RERG: variants seen among roughly 807,000 people sequenced by gnomAD.
The protein encoded by RERG is ras-related and estrogen-regulated growth inhibitor.
In RERG, 25 loss-of-function variants were observed where a neutral mutation model predicts 23.2. The ratio of observed to expected loss-of-function variants is 1.08; its 90% CI spans 0.79 to 1.50. The LOEUF (loss-of-function observed/expected upper bound fraction) is 1.50. Among genes scored for constraint, RERG ranks in the 40% most tolerant of loss-of-function variants. The pLI is 0.00. For missense variants in RERG, 253 were observed against 250.1 expected, an observed-to-expected ratio of 1.01 and a Z score of -0.08; for synonymous variants, 81 against 89.1, an observed-to-expected ratio of 0.91 and a Z score of 0.51.
At chr12:15,212,295 A>C (rs1004262943) in intron 2 of RERG, among the ~76,000 whole-genome samples, 1 of 149,974 alleles carries the variant, frequency 6.7e-6, no homozygotes, top group Non-Finnish European at 1.5e-5. Flanking sequence ...TCCTGACCTC[A>C]TGATCCACCC....
chr12:15,150,379 C>T (rs1864419787), intron 2 of RERG, among the ~76,000 whole-genome samples: 1 of 152,134 alleles, frequency 6.6e-6, no homozygotes. Flanking sequence ...TATCTAGGCT[C>T]AACATTGTAA....
rs1400049993 is a variant in RERG, at chr12:15,177,838, TG to T, written c.61+39590del. Among the ~76,000 whole-genome samples the T allele has an allele frequency of 4.0e-3, 564 of 140,318 alleles. 9 individuals carry two copies. Among genetic ancestry groups the T allele is most frequent in the African/African-American group, 0.013 (514 of 38,310 alleles). 92.1% of individuals were successfully genotyped at this position (140,318 alleles called of 152,430 possible). On this transcript the variant is annotated intron_variant, in intron 2 of 4. Coordinates refer to ENST00000256953, the MANE Select transcript of RERG (RefSeq NM_032918.3). ...TGATATCTCTCTGGCTCCCTCTGTTTGTTTTTTTTTTTTTTTTTTTTAGCTG... is the reference window on the plus strand; with the variant it reads ...TGATATCTCTCTGGCTCCCTCTGTTTTTTTTTTTTTTTTTTTTTTTAGCTG...
intron 2 of RERG, among the ~76,000 whole-genome samples, chr12:15,198,865 C>T (rs996516925): frequency 2.6e-5 from 4 of 152,184 alleles, no homozygotes; most frequent in African/African-American, 7.2e-5. Context: ...GAAGGTTCTT[C>T]GCCTTTAGCG....
At chr12:15,140,008 G>A (rs1864209691) in intron 2 of RERG, among the ~76,000 whole-genome samples, 3 of 152,144 alleles carry the variant, frequency 2.0e-5, no homozygotes, top group Non-Finnish European at 4.4e-5. Flanking sequence ...TATTTCTGTA[G>A]AAAATTGTCT....
At chr12:15,183,950 C>A (rs1864958318) in intron 2 of RERG, among the ~76,000 whole-genome samples, 1 of 152,128 alleles carries the variant, frequency 6.6e-6, no homozygotes, top group African/African-American at 2.4e-5. Flanking sequence ...CTCTGTTTGC[C>A]TATCAAAGTT....
intron 2 of RERG, among the ~76,000 whole-genome samples, chr12:15,186,754 T>G (rs1864998436): frequency 6.6e-6 from 1 of 152,160 alleles, no homozygotes; most frequent in Non-Finnish European, 1.5e-5. Flanking sequence ...TACAGGACCA[T>G]GCAGAAAATA....
At chr12:15,213,053 T>G (rs1025175271) in intron 2 of RERG, among the ~76,000 whole-genome samples, 2 of 152,228 alleles carry the variant, frequency 1.3e-5, no homozygotes, top group Non-Finnish European at 2.9e-5. Context: ...AACTTAAGCC[T>G]TCATGGATGA....
chr12:15,219,353 A>G (rs1865485012), intron 1 of RERG, among the ~76,000 whole-genome samples: 1 of 152,232 alleles, frequency 6.6e-6, no homozygotes, highest in African/African-American at 2.4e-5. Context: ...CCTGTACCTA[A>G]TAAGGTTTTG....
At position 15,124,918 on chromosome 12, in the gene RERG, C is replaced by T. The variant is rs569970155; in HGVS notation, c.62-3799G>A. Among the ~76,000 whole-genome samples, 83 of 79,548 alleles carry T rather than the reference C, an allele frequency of 1.0e-3. 1 individual carries two copies. In the South Asian group the frequency reaches 0.017, roughly 17 times the overall value. 52.2% of individuals were successfully genotyped at this position (79,548 alleles called of 152,430 possible). ...ACTCATAACCTTCACATCATGAATG[C>T]CTTTTGAATTTTGTCTATAATCCTA... On this transcript the variant is annotated intron_variant, in intron 2 of 4. Coordinates refer to ENST00000256953, the MANE Select transcript of RERG (RefSeq NM_032918.3).
At chr12:15,123,855 A>C (rs1457138918) in intron 2 of RERG, among the ~76,000 whole-genome samples, 1 of 152,036 alleles carries the variant, frequency 6.6e-6, no homozygotes, top group Non-Finnish European at 1.5e-5. Flanking sequence ...TTTGATTAGT[A>C]GTTACTGTTG....
chr12:15,108,966 C>T lies in RERG; in HGVS notation c.*144G>A. ...TTGCATAAAACACGCTAAAACTTCCCAACCTATTAGAGGCCAGAAACAATG... is the reference window on the plus strand; with the variant it reads ...TTGCATAAAACACGCTAAAACTTCCTAACCTATTAGAGGCCAGAAACAATG... On this transcript the variant is annotated 3_prime_UTR_variant, in exon 5 of 5. Coordinates refer to ENST00000256953, the MANE Select transcript of RERG (RefSeq NM_032918.3). 1.2e-6 allele frequency: 1 copy of T among 831,708 alleles called. No homozygotes were observed. Among genetic ancestry groups the T allele is most frequent in the Non-Finnish European group, 1.9e-6 (1 of 538,676 alleles). 51.5% of individuals were successfully genotyped at this position (831,708 alleles called of 1,614,324 possible).
chr12:15,128,567 C>T (rs968020825), intron 2 of RERG, among the ~76,000 whole-genome samples: 1 of 152,090 alleles, frequency 6.6e-6, no homozygotes, highest in Non-Finnish European at 1.5e-5. Context: ...GAATAGTATC[C>T]AATTGAAGTC....
At chr12:15,145,496 C>A (rs78495134) in intron 2 of RERG, among the ~76,000 whole-genome samples, 6,266 of 152,324 alleles carry the variant, frequency 0.041, 190 homozygotes, top group African/African-American at 0.069. Flanking sequence ...GGCAGAGCCA[C>A]TCTGCAAATG....
At chr12:15,205,357 C>T (rs377252877) in intron 2 of RERG, among the ~76,000 whole-genome samples, 2 of 151,876 alleles carry the variant, frequency 1.3e-5, no homozygotes, top group East Asian at 3.9e-4. Flanking sequence ...AGTGGGAGAC[C>T]TAAGAAATCG....
chr12:15,200,676 C>T (rs1488438694), intron 2 of RERG, among the ~76,000 whole-genome samples: 1 of 151,924 alleles, frequency 6.6e-6, no homozygotes, highest in Non-Finnish European at 1.5e-5. Context: ...ATAAAACACC[C>T]TCCTATTGTG....
At chr12:15,188,579 A>G (rs1356362659) in intron 2 of RERG, among the ~76,000 whole-genome samples, 1 of 152,212 alleles carries the variant, frequency 6.6e-6, no homozygotes, top group African/African-American at 2.4e-5. Context: ...AACTCCAGAA[A>G]TAAAGATGTA....
At chr12:15,113,616 T>G (rs2136083745) in intron 3 of RERG, among the ~76,000 whole-genome samples, 1 of 151,900 alleles carries the variant, frequency 6.6e-6, no homozygotes, top group Admixed American at 6.6e-5. Flanking sequence ...CCAATAGTAG[T>G]AAAATAAATA....
chr12:15,187,707 C>G lies in RERG; in HGVS notation c.61+29722G>C, dbSNP rs1173802448. On this transcript the variant is annotated intron_variant, in intron 2 of 4. Coordinates refer to ENST00000256953, the MANE Select transcript of RERG (RefSeq NM_032918.3). The stretch of plus-strand genomic sequence containing the variant: ...CCGAGTAGCTGGAATTACAGGCACC[C>G]GCCACCACACCCAGCTATTTTTTGT... Among the ~76,000 whole-genome samples the G allele has an allele frequency of 4.0e-5, 6 of 151,760 alleles. No homozygotes were observed. In the East Asian group the frequency reaches 9.7e-4, roughly 25 times the overall value.
chr12:15,122,432 G>A (rs1446465598), intron 2 of RERG, among the ~76,000 whole-genome samples: 1 of 152,144 alleles, frequency 6.6e-6, no homozygotes, highest in African/African-American at 2.4e-5. Flanking sequence ...AATTGCATGA[G>A]GACTTCGCAA....
Sources: allele counts gnomAD v4.1 joint callset (sites outside exome capture counted in the v4.1 genomes callset), GRCh38; gene constraint gnomAD v4.1.1; transcripts MANE v1.5; gene names NCBI Gene and HGNC (gene_info 2026-07-23, HGNC 2026-07-21).